The following KCNMB2 variants were observed in gnomAD, a reference collection of about 807,000 sequenced individuals.
KCNMB2 encodes the protein calcium-activated potassium channel subunit beta-2.
In KCNMB2, 9 loss-of-function variants were observed where a neutral mutation model predicts 24.5. The observed-to-expected ratio is 0.37, with a 90% CI of 0.22 to 0.64. The LOEUF (loss-of-function observed/expected upper bound fraction) is 0.64, where lower values mean the gene tolerates loss of function less well. Among genes scored for constraint, KCNMB2 ranks in the 30% least tolerant of loss-of-function variants. The probability of loss-of-function intolerance (pLI) is 0.63; values close to 1 mark genes in which losing one functional copy is unlikely to be tolerated. For synonymous variants in KCNMB2, 109 were observed against 104.4 expected, an observed-to-expected ratio of 1.04 and a Z score of -0.27; for missense variants, 226 against 284.3, an observed-to-expected ratio of 0.79 and a Z score of 1.47.
At chr3:178,725,612 T>C (rs1722942166) in intron 1 of KCNMB2, among the ~76,000 whole-genome samples, 1 of 152,044 alleles carries the variant, frequency 6.6e-6, no homozygotes, top group African/African-American at 2.4e-5. Context: ...GAGATCATCT[T>C]TTATTATTTC....
intron 2 of KCNMB2, among the ~76,000 whole-genome samples, chr3:178,823,929 C>T (rs979292592): frequency 3.3e-5 from 5 of 151,994 alleles, no homozygotes; most frequent in South Asian, 2.1e-4. Context: ...AAAATGACTT[C>T]AGTTTCTTTT....
intron 1 of KCNMB2, among the ~76,000 whole-genome samples, chr3:178,552,379 A>AC (rs1715984560): frequency 1.9e-5 from 2 of 106,848 alleles, no homozygotes; most frequent in Admixed American, 8.8e-5. Context: ...TTTTGAATTA[A>AC]ACCCCCCCCC....
rs1715529250 is a variant in KCNMB2 at position 178,844,277 on chromosome 3, T to C, written c.*1340T>C. ...TTTAGGTAATGCAAAATTTTACAAA[T>C]CATTTGTGGAATGAATGGTAAAACT... On this transcript the variant is annotated 3_prime_UTR_variant, in exon 5 of 5. Coordinates refer to ENST00000452583, the MANE Select transcript of KCNMB2 (RefSeq NM_181361.3). 1 of 152,544 alleles carries C rather than the reference T, an allele frequency of 6.6e-6. No individual in the cohort carries two copies. 9.4% of individuals were successfully genotyped at this position (152,544 alleles called of 1,614,324 possible).
chr3:178,676,166 C>A (rs1721063961), intron 1 of KCNMB2, among the ~76,000 whole-genome samples: 1 of 152,144 alleles, frequency 6.6e-6, no homozygotes, highest in African/African-American at 2.4e-5. Context: ...AGGGAGTAGG[C>A]TGGCATCATA....
chr3:178,593,684 C>T (rs956746130), intron 1 of KCNMB2, among the ~76,000 whole-genome samples: 5 of 151,636 alleles, frequency 3.3e-5, no homozygotes, highest in African/African-American at 1.2e-4. Context: ...CACCTCCCGT[C>T]TCTATCTACT....
intron 1 of KCNMB2, among the ~76,000 whole-genome samples, chr3:178,592,723 T>C (rs969882657): frequency 6.6e-6 from 1 of 152,128 alleles, no homozygotes; most frequent in African/African-American, 2.4e-5. Flanking sequence ...TTATTTTGTT[T>C]TACGAGAGTC....
chr3:178,759,853 T>G (rs192541341), intron 1 of KCNMB2, among the ~76,000 whole-genome samples: 2 of 31,596 alleles, frequency 6.3e-5, no homozygotes, highest in Admixed American at 6.0e-4. Context: ...TATATATATA[T>G]ATATATCCAA....
intron 1 of KCNMB2, among the ~76,000 whole-genome samples, chr3:178,596,918 C>T (rs1484862857): frequency 6.6e-6 from 1 of 152,128 alleles, no homozygotes; most frequent in Non-Finnish European, 1.5e-5. Context: ...TCAGTTAATA[C>T]ATCCAATCCA....
intron 2 of KCNMB2, among the ~76,000 whole-genome samples, chr3:178,810,498 GA>G (rs1345026794): frequency 1.3e-5 from 2 of 152,174 alleles, no homozygotes; most frequent in African/African-American, 2.4e-5. Context: ...TCAGTGGAAG[GA>G]AAAGTTCACT....
chr3:178,699,057 A>G (rs1721988330), intron 1 of KCNMB2, among the ~76,000 whole-genome samples: 1 of 152,254 alleles, frequency 6.6e-6, no homozygotes, highest in South Asian at 2.1e-4. Flanking sequence ...TCCTGTGGGC[A>G]TCCACCACAG....
chr3:178,734,919 C>A (rs1284032092), intron 1 of KCNMB2, among the ~76,000 whole-genome samples: 1 of 152,196 alleles, frequency 6.6e-6, no homozygotes, highest in Non-Finnish European at 1.5e-5. Flanking sequence ...TTCTTGTATG[C>A]CAGCTAAGAT....
Position 178,701,102 on chromosome 3 carries a change from A to C in KCNMB2, c.-67-106241A>C, listed in dbSNP as rs571100459. On this transcript the variant is annotated intron_variant, in intron 1 of 4. Coordinates refer to ENST00000452583, the MANE Select transcript of KCNMB2 (RefSeq NM_181361.3). ...TTTATGGTTTTAGGTCTAACATTTA[A>C]GCCTTTAATCCATCTTGAATTAATT... Among the ~76,000 whole-genome samples the C allele has an allele frequency of 1.7e-3, 261 of 152,378 alleles. 1 individual carries two copies. The highest frequency in any genetic ancestry group is 6.0e-3 in the African/African-American group (249 of 41,584).
chr3:178,644,229 TAGAAAGGAAGCA>T (rs774781289), intron 1 of KCNMB2, among the ~76,000 whole-genome samples: 1 of 152,062 alleles, frequency 6.6e-6, no homozygotes, highest in Non-Finnish European at 1.5e-5. Context: ...ACTCTCTAGA[TAGAAAGGAAGCA>T]AGAAGGAACT....
chr3:178,652,446 C>A (rs944115627), intron 1 of KCNMB2, among the ~76,000 whole-genome samples: 1 of 149,968 alleles, frequency 6.7e-6, no homozygotes, highest in Admixed American at 6.7e-5. Context: ...TGCACATGTA[C>A]CCCAGAACTT....
At chr3:178,607,963 T>C (rs1718340246) in intron 1 of KCNMB2, among the ~76,000 whole-genome samples, 1 of 152,164 alleles carries the variant, frequency 6.6e-6, no homozygotes, top group African/African-American at 2.4e-5. Flanking sequence ...TTTTAATGTT[T>C]AGGAGACACA....
chr3:178,718,371 G>A (rs956944923), intron 1 of KCNMB2, among the ~76,000 whole-genome samples: 1 of 152,110 alleles, frequency 6.6e-6, no homozygotes, highest in African/African-American at 2.4e-5. Flanking sequence ...TTTTCTGTCT[G>A]TCTATCTCTG....
At chr3:178,659,241 C>T (rs1199934154) in intron 1 of KCNMB2, among the ~76,000 whole-genome samples, 3 of 152,208 alleles carry the variant, frequency 2.0e-5, no homozygotes, top group Non-Finnish European at 4.4e-5. Flanking sequence ...TTATATTATG[C>T]AATTTGATTT....
At chr3:178,753,327 T>G (rs889344281) in intron 1 of KCNMB2, among the ~76,000 whole-genome samples, 7 of 152,098 alleles carry the variant, frequency 4.6e-5, no homozygotes, top group Non-Finnish European at 7.4e-5. Context: ...TGTTCTGGAG[T>G]CAGGCTGCTT....
chr3:178,605,104 C>T (rs1577043036), intron 1 of KCNMB2, among the ~76,000 whole-genome samples: 1 of 152,266 alleles, frequency 6.6e-6, no homozygotes, highest in East Asian at 1.9e-4. Context: ...TTGTGTTCCC[C>T]TAAAATTCAT....
Sources: allele counts gnomAD v4.1 joint callset (sites outside exome capture counted in the v4.1 genomes callset), GRCh38; gene constraint gnomAD v4.1.1; transcripts MANE v1.5; gene names NCBI Gene and HGNC (gene_info 2026-07-23, HGNC 2026-07-21).